The following FHAD1 variants were observed in gnomAD, a reference collection of about 807,000 sequenced individuals.
The protein encoded by FHAD1 is forkhead-associated domain-containing protein 1.
Under a neutral mutation model 191.3 loss-of-function variants are expected in FHAD1, and 146 were observed. The ratio of observed to expected loss-of-function variants is 0.76; its 90% CI spans 0.67 to 0.88. FHAD1 has a LOEUF of 0.88. FHAD1 is among the 40% of genes least tolerant of loss of function. The pLI is 0.00. For missense variants in FHAD1, 1,635 were observed against 1,785.8 expected (o/e 0.92, Z 1.52); for synonymous variants, 616 against 672.3 (o/e 0.92, Z 1.29).
intron 3 of FHAD1, among the ~76,000 whole-genome samples, chr1:15,284,312 C>T (rs1024381314): frequency 2.0e-5 from 3 of 151,992 alleles, no homozygotes; most frequent in African/African-American, 7.3e-5. Context: ...AACCCTGTCT[C>T]TACTAAAAAT....
chr1:15,253,138 G>A (rs529863856), intron 2 of FHAD1, among the ~76,000 whole-genome samples: 9 of 147,270 alleles, frequency 6.1e-5, no homozygotes, highest in East Asian at 2.0e-4. Context: ...CCAGGAAATT[G>A]ACATAAGTGC....
At chr1:15,346,913 A>G (rs1689120411) in intron 18 of FHAD1, among the ~76,000 whole-genome samples, 1 of 152,170 alleles carries the variant, frequency 6.6e-6, no homozygotes, top group African/African-American at 2.4e-5. Context: ...TGCCGAGTAA[A>G]CGGCAGCTGT....
chr1:15,340,115 T>C (rs1685929294), intron 15 of FHAD1, among the ~76,000 whole-genome samples: 2 of 152,154 alleles, frequency 1.3e-5, no homozygotes, highest in Non-Finnish European at 2.9e-5. Context: ...CGTGAGCCAC[T>C]GCACCAGCCT....
At chr1:15,358,314 T>G in intron 21 of FHAD1, 31 bp downstream of exon 21, 8 of 1,516,358 alleles carry the variant, frequency 5.3e-6, no homozygotes, top group Non-Finnish European at 7.0e-6. Flanking sequence ...AACGGGAGAA[T>G]TTTTCTCTCA....
At chr1:15,361,618 G>A (rs541025132) in intron 22 of FHAD1, among the ~76,000 whole-genome samples, 3 of 152,168 alleles carry the variant, frequency 2.0e-5, no homozygotes, top group Admixed American at 6.5e-5. Context: ...TTATTGCCCT[G>A]ACAGGTGATC....
At chr1:15,249,558 A>T (rs1460222802) in intron 1 of FHAD1, among the ~76,000 whole-genome samples, 1 of 152,246 alleles carries the variant, frequency 6.6e-6, no homozygotes, top group Admixed American at 6.5e-5. Flanking sequence ...AATTCTCATT[A>T]TATGAAAGTA....
intron 20 of FHAD1, among the ~76,000 whole-genome samples, chr1:15,357,383 G>A (rs1208126713): frequency 6.6e-6 from 1 of 152,152 alleles, no homozygotes. Flanking sequence ...CCCAGAATTT[G>A]GGAGGCCGAG....
intron 10 of FHAD1, among the ~76,000 whole-genome samples, chr1:15,320,901 C>A (rs1676027129): frequency 6.6e-6 from 1 of 152,064 alleles, no homozygotes; most frequent in Non-Finnish European, 1.5e-5. Context: ...TCTCCCCATT[C>A]TTTCCTTCTT....
chr1:15,337,194 A>G lies in FHAD1; in HGVS notation c.1907-2287A>G, dbSNP rs116161280. ...CCTGGATGGGCTGGGCTGGGCCGGC[A>G]TTACCGATTGGCATGTCCGGCTCTC... On this transcript the variant is annotated intron_variant, in intron 14 of 33. Coordinates refer to ENST00000688493, the MANE Select transcript of FHAD1 (RefSeq NM_001391957.1). 4.6e-3 allele frequency among the ~76,000 whole-genome samples: 693 copies of G among 152,184 alleles called. 5 individuals carry two copies. Among genetic ancestry groups the G allele is most frequent in the Non-Finnish European group, 5.8e-3 (392 of 68,000 alleles).
At chr1:15,343,192 C>T (rs993354455) in intron 16 of FHAD1, among the ~76,000 whole-genome samples, 3 of 152,134 alleles carry the variant, frequency 2.0e-5, no homozygotes, top group Non-Finnish European at 4.4e-5. Context: ...TAATGCCTTG[C>T]ACCTCTCCCC....
intron 1 of FHAD1, among the ~76,000 whole-genome samples, chr1:15,241,942 G>A (rs1402199528): frequency 6.6e-6 from 1 of 151,996 alleles, no homozygotes; most frequent in Non-Finnish European, 1.5e-5. Flanking sequence ...TCGATAAAAA[G>A]TTTACAAAAA....
intron 14 of FHAD1, among the ~76,000 whole-genome samples, chr1:15,337,273 A>C (rs1232584811): frequency 6.6e-6 from 1 of 152,184 alleles, no homozygotes; most frequent in African/African-American, 2.4e-5. Context: ...AGCATGTCTG[A>C]AACAGCCTGG....
rs951586259 is a variant in FHAD1, at chr1:15,325,920, C to T, written c.1474-1139C>T. The T allele has an allele frequency of 6.6e-6, 1 of 152,670 alleles. No homozygotes were observed. Among genetic ancestry groups the T allele is most frequent in the Non-Finnish European group, 1.5e-5 (1 of 68,402 alleles). The allele number at this position is 152,670 out of a possible 1,614,324, so 9.5% of individuals were successfully genotyped here. A position where few individuals can be genotyped will look rare whatever the true frequency, so the allele number is the denominator to read the frequency against. On this transcript the variant is annotated intron_variant, in intron 11 of 33. Transcript: ENST00000688493. The surrounding 1 kb of genome is among the most constrained non-coding windows in gnomAD (Gnocchi z 4.6). ...GGCCCGAGGCCATGTCTAAGATGAC[C>T]TCTCCCTCCCAATGGCCCTGGGCAG...
chr1:15,383,484 G>A (rs747879810), intron 31 of FHAD1: 21 of 342,964 alleles, frequency 6.1e-5, no homozygotes, highest in East Asian at 1.5e-4. Context: ...GCACCCGGGC[G>A]GCTTCCAAAG....
At chr1:15,361,479 C>T (rs1490633822) in intron 22 of FHAD1, among the ~76,000 whole-genome samples, 1 of 152,030 alleles carries the variant, frequency 6.6e-6, no homozygotes, top group African/African-American at 2.4e-5. Flanking sequence ...AGCTGGCAAG[C>T]CATCAGGACT....
chr1:15,329,714 A>AC lies in FHAD1; in HGVS notation c.1906+173_1906+174insC, dbSNP rs36114357. ...GGCGTAATTTTCCATTAAAAAAAAA[A>AC]ACACACACATACAAGTGAGACACGA... On this transcript the variant is annotated intron_variant, in intron 14 of 33. Transcript: ENST00000688493. This position sits in a 1 kb window ranked among gnomAD's most constrained non-coding sequence, Gnocchi z 5.0. 5,854 of 566,372 alleles carry AC rather than the reference A, an allele frequency of 0.01. 28 individuals are homozygous for AC. The highest frequency in any genetic ancestry group is 0.017 in the African/African-American group (893 of 53,776). The allele number at this position is 566,372 out of a possible 1,614,324, so 35.1% of individuals were successfully genotyped here. A position where few individuals can be genotyped will look rare whatever the true frequency, so the allele number is the denominator to read the frequency against.
At chr1:15,333,797 TATG>T (rs1279195560) in intron 14 of FHAD1, among the ~76,000 whole-genome samples, 1 of 151,262 alleles carries the variant, frequency 6.6e-6, no homozygotes, top group African/African-American at 2.4e-5. Context: ...GTGAGGCAGG[TATG>T]ATTACCATCT....
In FHAD1 at chr1:15,397,306, A is replaced by C; in HGVS notation, c.4333A>C (p.Arg1445=). The C allele has an allele frequency of 6.6e-7, 1 of 1,525,424 alleles. No individual in the cohort carries two copies. Among genetic ancestry groups the C allele is most frequent in the Non-Finnish European group, 8.9e-7 (1 of 1,129,550 alleles). The allele number at this position is 1,525,424 out of a possible 1,614,324, so 94.5% of individuals were successfully genotyped here. ...CTCTTGCTTGTTAAAGGTTGGAACCAGAAAAGCCTCCCTAAAGATGGACCA... is the reference window on the plus strand; with the variant it reads ...CTCTTGCTTGTTAAAGGTTGGAACCCGAAAAGCCTCCCTAAAGATGGACCA... ...MQNSNSQVGT[R]KASLKMDQER... Residue 1445 remains arginine (R), a synonymous_variant, in exon 34 of 34, where the codon AGA becomes CGA. Coordinates refer to ENST00000688493, the MANE Select transcript of FHAD1 (RefSeq NM_001391957.1).
rs1429775179 is a variant in FHAD1 at position 15,376,074 on chromosome 1, TTTATTTTTTTA to T, written c.3705+347_3705+357del. Among the ~76,000 whole-genome samples the T allele has an allele frequency of 3.4e-3, 467 of 138,298 alleles. 9 individuals are homozygous for T. Among genetic ancestry groups the T allele is most frequent in the African/African-American group, 0.012 (424 of 35,626 alleles). The allele number at this position is 138,298 out of a possible 152,430, so 90.7% of individuals were successfully genotyped here. ...ATTTATTTATTTATTTATTTATTTA[TTTATTTTTTTA>T]TTTATTTTTTTATTTATTTTTTGAG... On this transcript the variant is annotated intron_variant, in intron 28 of 33. Transcript: ENST00000688493.
Sources: allele counts gnomAD v4.1 joint callset (sites outside exome capture counted in the v4.1 genomes callset), GRCh38; gene constraint gnomAD v4.1.1; non-coding constraint Gnocchi (gnomAD v3.1); transcripts MANE v1.5; gene names NCBI Gene and HGNC (gene_info 2026-07-23, HGNC 2026-07-21).